The following IFFO2 variants were observed in gnomAD, a reference collection of about 807,000 sequenced individuals.
The protein encoded by IFFO2 is intermediate filament family orphan 2.
IFFO2 carries 19 observed loss-of-function variants against 53.5 expected under a neutral mutation model. That is an observed-to-expected ratio of 0.36 (90% CI 0.25 to 0.52). IFFO2 has a LOEUF of 0.52. Ranked by LOEUF, IFFO2 falls within the 20% of genes least tolerant of loss-of-function variation. The pLI, the probability that IFFO2 is intolerant of heterozygous loss-of-function variation, is 0.94. For synonymous variants in IFFO2, 303 were observed against 313.6 expected, an observed-to-expected ratio of 0.97 and a Z score of 0.36; for missense variants, 570 against 727.4, an observed-to-expected ratio of 0.78 and a Z score of 2.49.
chr1:18,915,410 T>G (rs16862370), intron 5 of IFFO2, among the ~76,000 whole-genome samples: 25,591 of 151,750 alleles, frequency 0.17, 2,562 homozygotes, highest in Admixed American at 0.31. Flanking sequence ...AATGGCAAAT[T>G]TTAAGGTACT....
At chr1:18,915,156 C>T (rs545780796) in intron 5 of IFFO2, among the ~76,000 whole-genome samples, 1 of 152,250 alleles carries the variant, frequency 6.6e-6, no homozygotes, top group Admixed American at 6.5e-5. Flanking sequence ...GGGCCTGGCT[C>T]TGTGTGCCCC....
intron 1 of IFFO2, among the ~76,000 whole-genome samples, chr1:18,950,636 T>G (rs1483853826): frequency 6.6e-6 from 1 of 152,116 alleles, no homozygotes; most frequent in Non-Finnish European, 1.5e-5. Flanking sequence ...GGTGCCAGCT[T>G]CAGAAATAAC....
intron 1 of IFFO2, among the ~76,000 whole-genome samples, chr1:18,938,391 C>T (rs189223349): frequency 6.6e-5 from 10 of 152,310 alleles, no homozygotes; most frequent in African/African-American, 1.4e-4. Context: ...TCCAGGGCCC[C>T]GGGCTTGGCT....
In IFFO2 at chr1:18,904,365, G is replaced by A. The variant is rs1022004091; in HGVS notation, c.*4196C>T. The A allele has an allele frequency of 1.3e-5, 2 of 152,230 alleles. No homozygotes were observed. Among genetic ancestry groups the A allele is most frequent in the Non-Finnish European group, 2.9e-5 (2 of 68,050 alleles). The allele number at this position is 152,230 out of a possible 1,614,324, so 9.4% of individuals were successfully genotyped here. A position where few individuals can be genotyped will look rare whatever the true frequency, so the allele number is the denominator to read the frequency against. On this transcript the variant is annotated 3_prime_UTR_variant, in exon 9 of 9. Transcript: ENST00000455833. ...GATATTTACAACAGTACAGTAAACA[G>A]GTTGGTTTCCGGTAGGATCAGTAGT... is the stretch of plus-strand genomic sequence containing the variant.
At chr1:18,912,898 G>A (rs921669437) in intron 5 of IFFO2, among the ~76,000 whole-genome samples, 6 of 152,220 alleles carry the variant, frequency 3.9e-5, no homozygotes, top group African/African-American at 7.2e-5. Flanking sequence ...AGGTTTGCCT[G>A]GGACTAAGGG....
chr1:18,920,647 G>A (rs929284742), intron 2 of IFFO2, among the ~76,000 whole-genome samples: 1 of 152,130 alleles, frequency 6.6e-6, no homozygotes, highest in African/African-American at 2.4e-5. Context: ...GCCCACCTGC[G>A]ACGTGCCCAC....
In IFFO2 at chr1:18,908,503, T is replaced by G. The variant is rs1431679698; in HGVS notation, c.*58A>C. On this transcript the variant is annotated 3_prime_UTR_variant, in exon 9 of 9. Coordinates refer to ENST00000455833, the MANE Select transcript of IFFO2 (RefSeq NM_001136265.2). The stretch of plus-strand genomic sequence containing the variant: ...ACTCCGAGGGGCCTTCCTGGCCCCA[T>G]GAGGAGAGGTGGCAGGGCCCCATCA... 3.1e-6 allele frequency: 4 copies of G among 1,275,150 alleles called. No homozygotes were observed. Among genetic ancestry groups the G allele is most frequent in the Non-Finnish European group, 4.5e-6 (4 of 896,068 alleles). The allele number at this position is 1,275,150 out of a possible 1,614,324, so 79.0% of individuals were successfully genotyped here. A position where few individuals can be genotyped will look rare whatever the true frequency, so the allele number is the denominator to read the frequency against.
At chr1:18,914,673 A>AT (rs1345665260) in intron 5 of IFFO2, among the ~76,000 whole-genome samples, 1 of 151,884 alleles carries the variant, frequency 6.6e-6, no homozygotes, top group Admixed American at 6.6e-5. Context: ...ACAAAAAAAA[A>AT]TTAGCTGGGT....
At chr1:18,942,258 G>A (rs1232232698) in intron 1 of IFFO2, among the ~76,000 whole-genome samples, 1 of 152,240 alleles carries the variant, frequency 6.6e-6, no homozygotes, top group Non-Finnish European at 1.5e-5. Context: ...GAATGTTGGA[G>A]TTGGGTGAAC....
rs1401677212 is a variant in IFFO2 at position 18,918,736 on chromosome 1, C to G, written c.823-234G>C. 6.6e-6 allele frequency among the ~76,000 whole-genome samples: 1 copy of G among 152,184 alleles called. No homozygotes were observed. Among genetic ancestry groups the G allele is most frequent in the East Asian group, 1.9e-4 (1 of 5,154 alleles). On this transcript the variant is annotated intron_variant, in intron 3 of 8. Transcript: ENST00000455833. The surrounding 1 kb of genome is among the most constrained non-coding windows in gnomAD (Gnocchi z 5.2). ...CCAGTGTGACGCCGTGTGTGCTGCT[C>G]TCCCTAAGGGCTGGAAGGCATCCTC... is the stretch of plus-strand genomic sequence containing the variant.
chr1:18,917,661 G>A lies in IFFO2; in HGVS notation c.964-619C>T, dbSNP rs762330603. On this transcript the variant is annotated intron_variant, in intron 4 of 8. Coordinates refer to ENST00000455833, the MANE Select transcript of IFFO2 (RefSeq NM_001136265.2). This position sits in a 1 kb window ranked among gnomAD's most constrained non-coding sequence, Gnocchi z 5.9. The stretch of plus-strand genomic sequence containing the variant: ...CACACACACAGAGCGACAACACACC[G>A]TATTGCCCTGGGCTCAAGCAAAAGC... Among the ~76,000 whole-genome samples, 1 of 152,240 alleles carries A rather than the reference G, an allele frequency of 6.6e-6. No homozygotes were observed. Among genetic ancestry groups the A allele is most frequent in the East Asian group, 1.9e-4 (1 of 5,164 alleles).
intron 1 of IFFO2, among the ~76,000 whole-genome samples, chr1:18,950,144 G>A (rs1936641317): frequency 6.6e-6 from 1 of 152,180 alleles, no homozygotes; most frequent in Non-Finnish European, 1.5e-5. Context: ...GAGATTTCCG[G>A]AGGCACAAAT....
intron 1 of IFFO2, among the ~76,000 whole-genome samples, chr1:18,953,204 T>C (rs543052135): frequency 2.0e-4 from 30 of 152,162 alleles, no homozygotes; most frequent in Non-Finnish European, 4.1e-4. Flanking sequence ...GTGACTTCTC[T>C]TATGGCCAGG....
At chr1:18,949,431 C>T (rs1936630996) in intron 1 of IFFO2, among the ~76,000 whole-genome samples, 1 of 152,240 alleles carries the variant, frequency 6.6e-6, no homozygotes, top group Non-Finnish European at 1.5e-5. Context: ...CAGGAAAAAG[C>T]AACACATCCC....
At chr1:18,929,357 G>A (rs1336103683) in intron 1 of IFFO2, among the ~76,000 whole-genome samples, 1 of 152,198 alleles carries the variant, frequency 6.6e-6, no homozygotes, top group Non-Finnish European at 1.5e-5. Flanking sequence ...GGGGGAGGGA[G>A]GGGCAAATGG....
chr1:18,910,222 G>A, intron 8 of IFFO2, 120 bp downstream of exon 8: 2 of 1,163,570 alleles, frequency 1.7e-6, no homozygotes, highest in Non-Finnish European at 2.4e-6. Flanking sequence ...TGGACGGACG[G>A]ACGGACAGAT....
intron 5 of IFFO2, among the ~76,000 whole-genome samples, chr1:18,913,823 G>GT (rs10708996): frequency 2.6e-5 from 4 of 151,026 alleles, no homozygotes; most frequent in Admixed American, 2.0e-4. Context: ...TGTTGTTGTT[G>GT]TTTTTTTGTT....
At chr1:18,927,449 G>A (rs1245003541) in intron 1 of IFFO2, among the ~76,000 whole-genome samples, 2 of 152,246 alleles carry the variant, frequency 1.3e-5, no homozygotes, top group African/African-American at 4.8e-5. Flanking sequence ...TGGAGGGCTG[G>A]CACCTTCTCA....
chr1:18,951,194 G>A (rs1327845014), intron 1 of IFFO2, among the ~76,000 whole-genome samples: 1 of 152,172 alleles, frequency 6.6e-6, no homozygotes, highest in Non-Finnish European at 1.5e-5. Context: ...GAGTCAGAGA[G>A]GCATGGAGCT....
Sources: gnomAD v4.1 joint callset for allele counts (sites outside exome capture counted in the v4.1 genomes callset) on GRCh38, gnomAD v4.1.1 for gene constraint, Gnocchi (gnomAD v3.1) non-coding constraint, MANE v1.5 for transcripts, NCBI Gene and HGNC (gene_info 2026-07-23, HGNC 2026-07-21) for gene names.